PTGIS: variants seen among roughly 807,000 people sequenced by gnomAD.
PTGIS encodes the protein prostaglandin I2 synthase.
In PTGIS, 45 loss-of-function variants were observed where a neutral mutation model predicts 50.3. The observed-to-expected ratio is 0.90, with a 90% CI of 0.70 to 1.15. PTGIS has a LOEUF of 1.15. PTGIS is among the 50% of genes most tolerant of loss of function. PTGIS has a pLI of 0.00. For synonymous variants in PTGIS, 260 were observed against 267.7 expected (o/e 0.97, Z 0.28); for missense variants, 668 against 661.3 (o/e 1.01, Z -0.11).
chr20:49,508,208 C>A (rs569961785), intron 9 of PTGIS, 144 bp from the exon 10 acceptor site: 1 of 1,014,346 alleles, frequency 9.9e-7, no homozygotes, highest in African/African-American at 1.6e-5. Flanking sequence ...GTAGAAGAAA[C>A]GCATTTGCTG....
At position 49,511,079 on chromosome 20, in the gene PTGIS, GC is replaced by G. The variant is rs778385193; in HGVS notation, c.1306del (p.Ala436ArgfsTer31). On this transcript the variant is annotated frameshift_variant, in exon 9 of 10. Transcript: ENST00000244043. LOFTEE classifies it high-confidence loss of function. The part of the protein sequence containing the change: ...RLKNYNMPWG[A>X]GHNHCLGRSY... ...CCTCCCCAGGCAGTGATTGTGCCCC[GC>G]CCCCCAGGGCATGTTGTAATTCTTC... is the stretch of plus-strand genomic sequence containing the variant. The G allele has an allele frequency of 5.6e-6, 9 of 1,613,980 alleles. No individual in the cohort carries two copies. Among genetic ancestry groups the G allele is most frequent in the South Asian group, 1.1e-5 (1 of 91,074 alleles).
intron 3 of PTGIS, among the ~76,000 whole-genome samples, chr20:49,544,959 T>C: frequency 6.6e-6 from 1 of 152,218 alleles, no homozygotes; most frequent in African/African-American, 2.4e-5. Flanking sequence ...TGGTGTTCCC[T>C]GACTCAGGAC....
chr20:49,559,166 T>G (rs914767441), intron 1 of PTGIS, among the ~76,000 whole-genome samples: 9 of 152,206 alleles, frequency 5.9e-5, no homozygotes, highest in Non-Finnish European at 1.0e-4. Context: ...AAAGCCTTCT[T>G]AGTTTAAGAA....
chr20:49,538,358 G>A (rs984901442), intron 5 of PTGIS, among the ~76,000 whole-genome samples: 2 of 150,412 alleles, frequency 1.3e-5, no homozygotes, highest in African/African-American at 4.9e-5. Flanking sequence ...GAGCCCAGGA[G>A]TTCAAGACCA....
rs1425716292 is a variant in PTGIS at position 49,506,472 on chromosome 20, G to C, written c.*1448C>G. 1 of 152,170 alleles carries C rather than the reference G, an allele frequency of 6.6e-6. No homozygotes were observed. The highest frequency in any genetic ancestry group is 1.5e-5 in the Non-Finnish European group (1 of 68,072). 9.4% of individuals were successfully genotyped at this position (152,170 alleles called of 1,614,324 possible). On this transcript the variant is annotated 3_prime_UTR_variant, in exon 10 of 10. Transcript: ENST00000244043. ...AGTTCACTGCAACCTCCACCTCCTG[G>C]GTTCAAGCAATTCTGGTGCCTCAGC...
At chr20:49,534,780 A>T (rs1288912543) in intron 5 of PTGIS, among the ~76,000 whole-genome samples, 1 of 152,180 alleles carries the variant, frequency 6.6e-6, no homozygotes, top group Non-Finnish European at 1.5e-5. Context: ...TCCTCTAAAA[A>T]GATAATAAAG....
intron 1 of PTGIS, among the ~76,000 whole-genome samples, chr20:49,565,217 G>A (rs1487915471): frequency 6.6e-6 from 1 of 151,410 alleles, no homozygotes; most frequent in Non-Finnish European, 1.5e-5. Flanking sequence ...TCCTGACCTC[G>A]TGATCCGCCC....
chr20:49,563,309 C>G (rs1236860115), intron 1 of PTGIS, among the ~76,000 whole-genome samples: 2 of 152,214 alleles, frequency 1.3e-5, no homozygotes, highest in Non-Finnish European at 1.5e-5. Context: ...AACAGGGTTT[C>G]CCAGATGCTC....
intron 1 of PTGIS, among the ~76,000 whole-genome samples, chr20:49,559,288 C>A (rs1418518431): frequency 1.3e-5 from 2 of 152,156 alleles, no homozygotes; most frequent in Non-Finnish European, 1.5e-5. Context: ...TGATTTTTAT[C>A]TTCTATATAA....
intron 1 of PTGIS, among the ~76,000 whole-genome samples, chr20:49,557,318 T>C (rs538645721): frequency 8.1e-4 from 124 of 152,222 alleles, no homozygotes; most frequent in Admixed American, 1.6e-3. Flanking sequence ...CAGGCATACA[T>C]GGTGGTTCAT....
intron 1 of PTGIS, among the ~76,000 whole-genome samples, chr20:49,562,616 G>A (rs572942800): frequency 1.1e-4 from 17 of 152,310 alleles, no homozygotes; most frequent in African/African-American, 3.8e-4. Context: ...CGGGCAGGGC[G>A]GTGGGCCCTG....
intron 1 of PTGIS, among the ~76,000 whole-genome samples, chr20:49,559,872 G>T (rs1195777181): frequency 6.6e-6 from 1 of 151,940 alleles, no homozygotes; most frequent in African/African-American, 2.4e-5. Flanking sequence ...GGAATTAGAT[G>T]ATGGTGATGA....
In PTGIS at chr20:49,507,664, T is replaced by C; in HGVS notation, c.*256A>G. 1.8e-6 allele frequency: 1 copy of C among 559,486 alleles called. No individual in the cohort carries two copies. Among genetic ancestry groups the C allele is most frequent in the Non-Finnish European group, 3.2e-6 (1 of 312,230 alleles). The allele number at this position is 559,486 out of a possible 1,614,324, so 34.7% of individuals were successfully genotyped here. Reference sequence around the variant, plus strand: ...ATATCACGAGGTGAGAGTAACGAGGTGAATTGGGAGCAGACAAAGCCTGAT... The same window carrying C: ...ATATCACGAGGTGAGAGTAACGAGGCGAATTGGGAGCAGACAAAGCCTGAT... On this transcript the variant is annotated 3_prime_UTR_variant, in exon 10 of 10. Coordinates refer to ENST00000244043, the MANE Select transcript of PTGIS (RefSeq NM_000961.4).
At chr20:49,511,297 A>G in intron 8 of PTGIS, 118 bp from the exon 9 acceptor site, 1 of 1,163,392 alleles carries the variant, frequency 8.6e-7, no homozygotes, top group Non-Finnish European at 1.2e-6. Context: ...TGGAAACCAT[A>G]TACAGGTCAA....
At chr20:49,519,136 C>T (rs1981577262) in intron 6 of PTGIS, among the ~76,000 whole-genome samples, 1 of 151,878 alleles carries the variant, frequency 6.6e-6, no homozygotes, top group African/African-American at 2.4e-5. Flanking sequence ...CCTCCGTCTG[C>T]CCCCCACCAC....
chr20:49,522,561 C>G (rs1378167037), intron 6 of PTGIS, among the ~76,000 whole-genome samples: 2 of 152,128 alleles, frequency 1.3e-5, no homozygotes, highest in Non-Finnish European at 2.9e-5. Flanking sequence ...CTCCTGGGCT[C>G]AAGCAATCCT....
chr20:49,538,321 T>C (rs1982134828), intron 5 of PTGIS, among the ~76,000 whole-genome samples: 1 of 149,136 alleles, frequency 6.7e-6, no homozygotes, highest in Non-Finnish European at 1.5e-5. Flanking sequence ...CTCAGCACTT[T>C]GGGAGGCCAA....
At chr20:49,519,954 C>G (rs1981604744) in intron 6 of PTGIS, among the ~76,000 whole-genome samples, 1 of 152,228 alleles carries the variant, frequency 6.6e-6, no homozygotes, top group Admixed American at 6.5e-5. Context: ...CTCTCCCTGC[C>G]TCTGCTTCCC....
intron 5 of PTGIS, among the ~76,000 whole-genome samples, chr20:49,533,214 C>T (rs1391524170): frequency 6.6e-6 from 1 of 152,260 alleles, no homozygotes; most frequent in Admixed American, 6.5e-5. Flanking sequence ...TACAGAGAGG[C>T]CCCCAGAAGA....
Sources: allele counts gnomAD v4.1 joint callset (sites outside exome capture counted in the v4.1 genomes callset), GRCh38; gene constraint gnomAD v4.1.1; transcripts MANE v1.5; gene names NCBI Gene and HGNC (gene_info 2026-07-23, HGNC 2026-07-21).